NAV3: variants seen among roughly 807,000 people sequenced by gnomAD.
NAV3 encodes pore membrane and/or filament interacting like protein 1.
A neutral mutation model predicts 244.7 loss-of-function variants in NAV3; 87 were observed. That is an observed-to-expected ratio of 0.36 (90% confidence interval 0.30 to 0.42). The LOEUF (loss-of-function observed/expected upper bound fraction) is 0.42, where lower values mean the gene tolerates loss of function less well. Ranked by LOEUF, NAV3 falls within the 20% of genes least tolerant of loss-of-function variation. The pLI, the probability that NAV3 is intolerant of heterozygous loss-of-function variation, is 1.00. For missense variants in NAV3, 2,663 were observed against 2,893.3 expected, an observed-to-expected ratio of 0.92 and a Z score of 1.83; for synonymous variants, 1,126 against 1,042.2, an observed-to-expected ratio of 1.08 and a Z score of -1.55.
chr12:77,982,555 G>A (rs545977794), intron 5 of NAV3, among the ~76,000 whole-genome samples: 10 of 152,298 alleles, frequency 6.6e-5, no homozygotes, highest in South Asian at 2.1e-4. Context: ...CAGGAAATGA[G>A]TTATTTGGCT....
At position 78,043,559 on chromosome 12, in the gene NAV3, G is replaced by A. The variant is rs193045450; in HGVS notation, c.2024-6434G>A. Among the ~76,000 whole-genome samples the A allele has an allele frequency of 1.3e-4, 20 of 152,152 alleles. 1 individual carries two copies. Among genetic ancestry groups the A allele is most frequent in the African/African-American group, 3.1e-4 (13 of 41,520 alleles). On this transcript the variant is annotated intron_variant, in intron 9 of 39. Coordinates refer to ENST00000397909, the MANE Select transcript of NAV3 (RefSeq NM_001024383.2). ...ATATACTCCCACCGACAGTGTAAAG[G>A]CGTTCCTATTTCTCCACAACCTCTC...
rs577918189 is a variant in NAV3, at chr12:78,192,413, A to T, written c.6291+2194A>T. Reference sequence around the variant, plus strand: ...TTATTATTTTATTTTATTTTTATTTATTTTTTTTTTGAGACAGAGTCTTGC... The same window carrying T: ...TTATTATTTTATTTTATTTTTATTTTTTTTTTTTTTGAGACAGAGTCTTGC... On this transcript the variant is annotated intron_variant, in intron 34 of 39. Coordinates refer to ENST00000397909, the MANE Select transcript of NAV3 (RefSeq NM_001024383.2). 1.7e-3 allele frequency among the ~76,000 whole-genome samples: 250 copies of T among 147,128 alleles called. 3 individuals carry two copies. The highest frequency in any genetic ancestry group is 5.8e-3 in the African/African-American group (231 of 40,080).
chr12:77,972,363 T>C (rs564408420), intron 5 of NAV3, among the ~76,000 whole-genome samples: 4 of 152,270 alleles, frequency 2.6e-5, no homozygotes, highest in East Asian at 1.9e-4. Context: ...TTTGGCTTAT[T>C]TGGAGTGATA....
intron 1 of NAV3, among the ~76,000 whole-genome samples, chr12:77,838,529 A>T (rs1875058476): frequency 6.6e-6 from 1 of 152,128 alleles, no homozygotes; most frequent in Non-Finnish European, 1.5e-5. Flanking sequence ...TGTGTTTTTG[A>T]TGCCAATTTG....
intron 1 of NAV3, among the ~76,000 whole-genome samples, chr12:77,873,773 T>TATATATATATATA (rs762527287): frequency 1.6e-5 from 2 of 128,622 alleles, no homozygotes; most frequent in Admixed American, 7.9e-5. Flanking sequence ...TATATGTATA[T>TATATATATATATA]AACAGCATAT....
At chr12:77,790,835 C>G (rs1211495555) in intron 2 of NAV3, among the ~76,000 whole-genome samples, 1 of 152,184 alleles carries the variant, frequency 6.6e-6, no homozygotes, top group Non-Finnish European at 1.5e-5. Context: ...CCTCTCTCAC[C>G]TGACCACTTC....
intron 2 of NAV3, among the ~76,000 whole-genome samples, chr12:77,764,883 C>G (rs1214428952): frequency 6.6e-6 from 1 of 152,208 alleles, no homozygotes; most frequent in Non-Finnish European, 1.5e-5. Flanking sequence ...TAACATATAT[C>G]CATCCCATTC....
intron 18 of NAV3, among the ~76,000 whole-genome samples, chr12:78,131,539 G>T (rs937220995): frequency 6.6e-6 from 1 of 152,080 alleles, no homozygotes; most frequent in Non-Finnish European, 1.5e-5. Flanking sequence ...AGTGCTATAA[G>T]CTTGCTAAGT....
intron 12 of NAV3, among the ~76,000 whole-genome samples, chr12:78,095,226 C>T (rs1474711632): frequency 6.6e-6 from 1 of 151,828 alleles, no homozygotes; most frequent in East Asian, 1.9e-4. Context: ...GTGAATAAAA[C>T]CTCTGTACCA....
chr12:77,572,946 C>G (rs1363960185), intron 2 of NAV3, among the ~76,000 whole-genome samples: 1 of 152,170 alleles, frequency 6.6e-6, no homozygotes, highest in Non-Finnish European at 1.5e-5. Context: ...AATTGCTCCA[C>G]TGGAGTGAGA....
chr12:77,736,911 A>T (rs1284086404), intron 2 of NAV3, among the ~76,000 whole-genome samples: 1 of 152,150 alleles, frequency 6.6e-6, no homozygotes, highest in Non-Finnish European at 1.5e-5. Context: ...TCAGAACAAG[A>T]CGAGAGACAA....
chr12:77,995,164 A>G (rs1307493046), intron 6 of NAV3, among the ~76,000 whole-genome samples: 4 of 152,316 alleles, frequency 2.6e-5, no homozygotes, highest in South Asian at 2.1e-4. Flanking sequence ...TGAATGCCCA[A>G]TTCCTTCCAA....
At chr12:77,769,058 G>A (rs1869937266) in intron 2 of NAV3, among the ~76,000 whole-genome samples, 2 of 152,156 alleles carry the variant, frequency 1.3e-5, no homozygotes, top group South Asian at 2.1e-4. Flanking sequence ...AATCAAGGAG[G>A]CAGGTATTTT....
chr12:78,170,083 T>TAATA (rs1458279598), intron 24 of NAV3, among the ~76,000 whole-genome samples: 2 of 151,752 alleles, frequency 1.3e-5, no homozygotes, highest in Non-Finnish European at 2.9e-5. Context: ...TGCTAATAGC[T>TAATA]AATAACTGTC....
chr12:77,690,497 C>T (rs1727849), intron 2 of NAV3, among the ~76,000 whole-genome samples: 138,966 of 151,646 alleles, frequency 0.92, 63,867 homozygotes, highest in East Asian at 1. Flanking sequence ...TTTTAAATTT[C>T]TAACACTTAA....
Position 78,104,797 on chromosome 12 carries a change from CA to C in NAV3, c.2637-11974del, listed in dbSNP as rs571474790. On this transcript the variant is annotated intron_variant, in intron 12 of 39. Coordinates refer to ENST00000397909, the MANE Select transcript of NAV3 (RefSeq NM_001024383.2). ...ACTGATCTGTTCTAAATCTCTATAG[CA>C]TTTTTCCTTTTCTTAAATGTTGCAT... 4.1e-3 allele frequency among the ~76,000 whole-genome samples: 627 copies of C among 152,264 alleles called. 3 individuals carry two copies. The highest frequency in any genetic ancestry group is 0.014 in the African/African-American group (597 of 41,556).
chr12:77,818,908 A>T (rs1872624158), intron 2 of NAV3, among the ~76,000 whole-genome samples: 1 of 152,138 alleles, frequency 6.6e-6, no homozygotes. Context: ...TTTTAAAAGT[A>T]AACAAATAGC....
Position 77,808,908 on chromosome 12 carries a change from A to G in NAV3, c.73-131411A>G, listed in dbSNP as rs374796897. Among the ~76,000 whole-genome samples the G allele has an allele frequency of 1.8e-4, 27 of 152,314 alleles. No individual in the cohort carries two copies. In the East Asian group the frequency reaches 3.3e-3, roughly 19 times the overall value. On this transcript the variant is annotated intron_variant, in intron 2 of 8. Transcript: ENST00000550042. The stretch of plus-strand genomic sequence containing the variant: ...GAATCTAGGGAGGCAGTCTGGCTAC[A>G]GTGGCCTTGCGGAGCTGCGGTGGGC...
upstream of NAV3, among the ~76,000 whole-genome samples, chr12:77,827,236 C>CAAAAA (rs10615824): frequency 1.5e-5 from 1 of 68,530 alleles, no homozygotes; most frequent in Non-Finnish European, 2.9e-5. Context: ...ACTCTGTCTC[C>CAAAAA]AAAAAAAAAA....
Sources: allele counts gnomAD v4.1 joint callset (sites outside exome capture counted in the v4.1 genomes callset), GRCh38; gene constraint gnomAD v4.1.1; transcripts MANE v1.5; gene names NCBI Gene and HGNC (gene_info 2026-07-23, HGNC 2026-07-21).